THADA: variants seen among roughly 807,000 people sequenced by gnomAD.
The protein encoded by THADA is tRNA (32-2'-O)-methyltransferase regulator THADA.
Under a neutral mutation model 219.8 loss-of-function variants are expected in THADA, and 213 were observed. That is an observed-to-expected ratio of 0.97 (90% CI 0.87 to 1.09). The LOEUF is 1.09. Among genes scored for constraint, THADA ranks in the 50% least tolerant of loss-of-function variants. THADA has a pLI of 0.00. For synonymous variants in THADA, 1,018 were observed against 828.9 expected, an observed-to-expected ratio of 1.23 and a Z score of -3.92; for missense variants, 2,956 against 2,311.3, an observed-to-expected ratio of 1.28 and a Z score of -5.72.
chr2:43,338,756 A>AT (rs977235154), intron 30 of THADA, among the ~76,000 whole-genome samples: 2 of 152,160 alleles, frequency 1.3e-5, no homozygotes, highest in African/African-American at 4.8e-5. Flanking sequence ...TTATCCATTC[A>AT]TCATTCATCA....
chr2:43,298,000 G>C (rs1460675841), intron 31 of THADA, among the ~76,000 whole-genome samples: 6 of 104,540 alleles, frequency 5.7e-5, no homozygotes, highest in Non-Finnish European at 9.3e-5. Context: ...GAGGGAGTGT[G>C]GGGGGGGTCA....
intron 2 of THADA, 63 bp downstream of exon 2, chr2:43,592,254 C>A (rs1243691534): frequency 1.6e-6 from 2 of 1,235,482 alleles, no homozygotes; most frequent in East Asian, 4.9e-5. Context: ...GGGTCCCAGT[C>A]ATTAAAATAC....
At chr2:43,487,060 A>G (rs1441251876) in intron 25 of THADA, among the ~76,000 whole-genome samples, 1 of 152,200 alleles carries the variant, frequency 6.6e-6, no homozygotes, top group Non-Finnish European at 1.5e-5. Flanking sequence ...TTCATTCAAC[A>G]GCCATCAAAC....
At position 43,590,876 on chromosome 2, in the gene THADA, C is replaced by A. The variant is rs747420918; in HGVS notation, c.250G>T (p.Gly84Cys). The A allele has an allele frequency of 3.1e-6, 5 of 1,613,698 alleles. 1 individual carries two copies. The South Asian group carries it at 5.5e-5, about 18-fold the overall frequency. Residue 84 changes from glycine to cysteine, a missense_variant, in exon 4 of 38, where the codon GGC becomes TGC. Gly to Cys is a radical substitution (Grantham distance 159). Transcript: ENST00000405975. ...TTTAGACTCAAAGAAAGATAAATGC[C>A]TGCTAAGATATCCAAACAACTTTGA... ...TIQSCLDILA[G>C]IYLSLSLKNP... is the part of the protein sequence containing the mutation.
At chr2:43,532,718 T>C (rs1050616194) in intron 21 of THADA, among the ~76,000 whole-genome samples, 2 of 152,056 alleles carry the variant, frequency 1.3e-5, no homozygotes, top group South Asian at 2.1e-4. Flanking sequence ...CTCTCACCAC[T>C]CCTATTCAAC....
intron 21 of THADA, among the ~76,000 whole-genome samples, chr2:43,530,577 A>G (rs1313545382): frequency 1.3e-5 from 2 of 152,222 alleles, no homozygotes; most frequent in Non-Finnish European, 2.9e-5. Flanking sequence ...CAGAAAGTCA[A>G]TGAGATGAGG....
intron 22 of THADA, among the ~76,000 whole-genome samples, chr2:43,517,422 T>G (rs1315357757): frequency 6.6e-6 from 1 of 152,170 alleles, no homozygotes; most frequent in Non-Finnish European, 1.5e-5. Flanking sequence ...TAACCTCAAC[T>G]GAGTAAGGGT....
At chr2:43,429,130 CG>C (rs2104816295) in intron 27 of THADA, among the ~76,000 whole-genome samples, 1 of 151,300 alleles carries the variant, frequency 6.6e-6, no homozygotes, top group East Asian at 1.9e-4. Context: ...TTTTTTGAGA[CG>C]GAGTATTTTT....
chr2:43,580,211 G>GT (rs1047707506), intron 8 of THADA, among the ~76,000 whole-genome samples: 4 of 150,806 alleles, frequency 2.7e-5, no homozygotes, highest in Middle Eastern at 3.2e-3. Flanking sequence ...TTGTATTTTA[G>GT]TTTTTTAGTA....
chr2:43,432,322 CA>C (rs1679465415), intron 26 of THADA, among the ~76,000 whole-genome samples: 1 of 152,144 alleles, frequency 6.6e-6, no homozygotes, highest in South Asian at 2.1e-4. Context: ...TTTTTTCACT[CA>C]GCACAGAGTT....
At chr2:43,345,174 T>C (rs760903090) in intron 29 of THADA, among the ~76,000 whole-genome samples, 6 of 152,250 alleles carry the variant, frequency 3.9e-5, no homozygotes, top group Non-Finnish European at 8.8e-5. Context: ...GAATGATTCT[T>C]TCTGTGTAAC....
At chr2:43,363,542 G>T (rs1669763102) in intron 29 of THADA, among the ~76,000 whole-genome samples, 1 of 152,166 alleles carries the variant, frequency 6.6e-6, no homozygotes, top group South Asian at 2.1e-4. Context: ...CTTTGAAGTG[G>T]CAGAAGAGAA....
At chr2:43,317,829 G>C (rs907814837) in intron 31 of THADA, among the ~76,000 whole-genome samples, 1 of 152,158 alleles carries the variant, frequency 6.6e-6, no homozygotes, top group African/African-American at 2.4e-5. Context: ...TAAAATTTGT[G>C]CTGTCTGATA....
intron 31 of THADA, among the ~76,000 whole-genome samples, chr2:43,295,337 C>A (rs1164766433): frequency 6.6e-6 from 1 of 152,258 alleles, no homozygotes; most frequent in Non-Finnish European, 1.5e-5. Flanking sequence ...AGGCTCCCTG[C>A]TGGCCCTTGC....
chr2:43,283,467 T>G (rs911611012), intron 35 of THADA, among the ~76,000 whole-genome samples: 1 of 152,172 alleles, frequency 6.6e-6, no homozygotes, highest in African/African-American at 2.4e-5. Context: ...TCCTATAGAC[T>G]TGTTGAATGG....
At chr2:43,453,214 ACT>A (rs2104901912) in intron 26 of THADA, among the ~76,000 whole-genome samples, 1 of 152,350 alleles carries the variant, frequency 6.6e-6, no homozygotes, top group Non-Finnish European at 1.5e-5. Flanking sequence ...AAGAAATAAG[ACT>A]CAGGATACAA....
chr2:43,428,131 T>A lies in THADA; in HGVS notation c.4027A>T (p.Ser1343Cys), dbSNP rs767672216. 1.2e-6 allele frequency: 2 copies of A among 1,611,040 alleles called. No homozygotes were observed. Among genetic ancestry groups the A allele is most frequent in the South Asian group, 2.2e-5 (2 of 90,768 alleles). Residue 1343 changes from serine to cysteine, a missense_variant, in exon 28 of 38, where the codon AGC becomes TGC. Coordinates refer to ENST00000405975, the MANE Select transcript of THADA (RefSeq NM_022065.5). ...ATGAAGGGAACAAAAGGTCCCATGC[T>A]GAGAGCAGAAGAAGTACCATCCATC... ...SPMDGTSSAL[S>C]MGPFVPFIMR...
chr2:43,335,787 G>A (rs1666343946), intron 30 of THADA, among the ~76,000 whole-genome samples: 1 of 124,378 alleles, frequency 8.0e-6, no homozygotes, highest in African/African-American at 3.3e-5. Flanking sequence ...GCAAGCCCCT[G>A]TCTCTACTTT....
chr2:43,453,635 C>A (rs765905259), intron 26 of THADA, among the ~76,000 whole-genome samples: 1 of 152,096 alleles, frequency 6.6e-6, no homozygotes, highest in Non-Finnish European at 1.5e-5. Flanking sequence ...CTCACAAACG[C>A]TGGTTTTTTA....
Sources: allele counts gnomAD v4.1 joint callset (sites outside exome capture counted in the v4.1 genomes callset), GRCh38; gene constraint gnomAD v4.1.1; transcripts MANE v1.5; gene names NCBI Gene and HGNC (gene_info 2026-07-23, HGNC 2026-07-21).